The following PARD3B variants were observed in gnomAD, a reference collection of about 807,000 sequenced individuals.
PARD3B encodes par-3 family cell polarity regulator beta.
In PARD3B, 103 loss-of-function variants were observed where a neutral mutation model predicts 130.2. The ratio of observed to expected loss-of-function variants is 0.79; its 90% CI spans 0.67 to 0.93. The LOEUF (loss-of-function observed/expected upper bound fraction) is 0.93. Ranked by LOEUF, PARD3B falls within the 40% of genes least tolerant of loss-of-function variation. The pLI, the probability that PARD3B is intolerant of heterozygous loss-of-function variation, is 0.00. For synonymous variants in PARD3B, 583 were observed against 553.2 expected (o/e 1.05, Z -0.76); for missense variants, 1,609 against 1,499.2 (o/e 1.07, Z -1.21).
intron 20 of PARD3B, among the ~76,000 whole-genome samples, chr2:205,492,653 A>G (rs1559144224): frequency 6.6e-6 from 1 of 152,120 alleles, no homozygotes; most frequent in African/African-American, 2.4e-5. Context: ...TGCACCTTTG[A>G]AAAAAATAGA....
chr2:205,392,857 T>G (rs1227277864), intron 18 of PARD3B, among the ~76,000 whole-genome samples: 1 of 152,150 alleles, frequency 6.6e-6, no homozygotes, highest in African/African-American at 2.4e-5. Context: ...ATTAGAATAT[T>G]TTTCCTTCTT....
chr2:204,973,515 TCTC>T (rs1410094903), intron 3 of PARD3B, among the ~76,000 whole-genome samples: 2 of 151,874 alleles, frequency 1.3e-5, no homozygotes, highest in African/African-American at 4.8e-5. Flanking sequence ...ATTTTTTTTT[TCTC>T]TCTGAGTGTG....
intron 16 of PARD3B, among the ~76,000 whole-genome samples, chr2:205,260,762 T>C (rs939867781): frequency 6.6e-6 from 1 of 152,150 alleles, no homozygotes; most frequent in Non-Finnish European, 1.5e-5. Flanking sequence ...ATTGTTGTTT[T>C]TCCTATCTAG....
intron 6 of PARD3B, among the ~76,000 whole-genome samples, chr2:205,115,886 AT>A (rs1185146177): frequency 2.6e-5 from 4 of 152,006 alleles, no homozygotes; most frequent in African/African-American, 7.2e-5. Flanking sequence ...TTTACATTTA[AT>A]TTTTTTACTA....
Position 205,121,148 on chromosome 2 carries a change from G to A in PARD3B, c.807-443G>A, listed in dbSNP as rs1370998693. On this transcript the variant is annotated intron_variant, in intron 7 of 22. Transcript: ENST00000406610. The surrounding 1 kb of genome is among the most constrained non-coding windows in gnomAD (Gnocchi z 5.0). ...GTTAGAGAAGATCTGTACTTTAGAA[G>A]GATGTCCTAAAAGAAACCTAACTAA... 6.6e-6 allele frequency among the ~76,000 whole-genome samples: 1 copy of A among 152,186 alleles called. No individual in the cohort carries two copies. Among genetic ancestry groups the A allele is most frequent in the Non-Finnish European group, 1.5e-5 (1 of 68,026 alleles).
chr2:205,320,795 C>G (rs1206539686), intron 18 of PARD3B, among the ~76,000 whole-genome samples: 1 of 152,190 alleles, frequency 6.6e-6, no homozygotes, highest in African/African-American at 2.4e-5. Context: ...AAAAATGTGT[C>G]TCAACTGATT....
At chr2:204,942,438 G>T (rs559358221) in intron 2 of PARD3B, among the ~76,000 whole-genome samples, 2 of 152,210 alleles carry the variant, frequency 1.3e-5, no homozygotes, top group South Asian at 2.1e-4. Context: ...TCTGTGAACT[G>T]ATTTATTGAT....
At chr2:205,465,331 C>T (rs530897626) in intron 20 of PARD3B, among the ~76,000 whole-genome samples, 3 of 152,048 alleles carry the variant, frequency 2.0e-5, no homozygotes, top group South Asian at 2.1e-4. Flanking sequence ...AAGGTACAAA[C>T]GAGGATATTG....
intron 3 of PARD3B, among the ~76,000 whole-genome samples, chr2:204,999,262 A>G (rs907286644): frequency 6.6e-6 from 1 of 152,124 alleles, no homozygotes; most frequent in Non-Finnish European, 1.5e-5. Context: ...CCTCATTGCT[A>G]CAAAAGCACT....
chr2:204,655,054 A>G (rs1266373658), intron 1 of PARD3B, among the ~76,000 whole-genome samples: 5 of 152,160 alleles, frequency 3.3e-5, no homozygotes, highest in African/African-American at 1.2e-4. Flanking sequence ...TCTTGGTTGC[A>G]CACACTGGGT....
intron 2 of PARD3B, among the ~76,000 whole-genome samples, chr2:204,789,111 AAGT>A (rs2042113474): frequency 6.6e-6 from 1 of 152,090 alleles, no homozygotes. Flanking sequence ...GGCTGGAGTG[AAGT>A]GGTGCAATCA....
chr2:204,836,182 A>G (rs2044024752), intron 2 of PARD3B, among the ~76,000 whole-genome samples: 1 of 152,196 alleles, frequency 6.6e-6, no homozygotes. Flanking sequence ...AATTAAGTAT[A>G]TAGATACTAT....
intron 16 of PARD3B, among the ~76,000 whole-genome samples, chr2:205,248,959 TC>T: frequency 6.6e-6 from 1 of 150,990 alleles, no homozygotes; most frequent in Admixed American, 6.6e-5. Context: ...TGTGATATTG[TC>T]CCCTTTTCCA....
chr2:205,201,437 C>T (rs1304430236), intron 15 of PARD3B, among the ~76,000 whole-genome samples: 9 of 152,128 alleles, frequency 5.9e-5, no homozygotes, highest in South Asian at 2.1e-4. Context: ...AAGCAGAACT[C>T]ACCAAAATTA....
At chr2:204,840,444 T>G (rs114094341) in intron 2 of PARD3B, among the ~76,000 whole-genome samples, 2,251 of 152,284 alleles carry the variant, frequency 0.015, 30 homozygotes, top group South Asian at 0.024. Context: ...ACCCAGAATC[T>G]TTGTTTTACC....
intron 16 of PARD3B, among the ~76,000 whole-genome samples, chr2:205,273,487 CT>C (rs2040822003): frequency 6.6e-6 from 1 of 152,200 alleles, no homozygotes; most frequent in Non-Finnish European, 1.5e-5. Flanking sequence ...CCAGCTCTTC[CT>C]TCAGCAAAAG....
At chr2:204,855,763 T>C (rs1039423997) in intron 2 of PARD3B, among the ~76,000 whole-genome samples, 2 of 152,126 alleles carry the variant, frequency 1.3e-5, no homozygotes, top group African/African-American at 4.8e-5. Flanking sequence ...TTCTGTGAGA[T>C]TGGCTTCTTT....
chr2:205,503,533 T>A (rs915922799), intron 21 of PARD3B, among the ~76,000 whole-genome samples: 3 of 152,150 alleles, frequency 2.0e-5, no homozygotes, highest in Admixed American at 1.3e-4. Flanking sequence ...TTGGTCTATA[T>A]CTCTGTTTTG....
chr2:205,112,577 G>A lies in PARD3B; in HGVS notation c.594-914G>A, dbSNP rs548816821. On this transcript the variant is annotated intron_variant, in intron 5 of 22. Transcript: ENST00000406610. ...GAGACCGGCTTACAATTTCCATAAC[G>A]TGGATGTTTCCTTCAACTTTATTAT... Among the ~76,000 whole-genome samples, 15 of 152,110 alleles carry A rather than the reference G, an allele frequency of 9.9e-5. No homozygotes were observed. The South Asian group carries it at 1.9e-3, about 19-fold the overall frequency.
Sources: gnomAD v4.1 joint callset for allele counts (sites outside exome capture counted in the v4.1 genomes callset) on GRCh38, gnomAD v4.1.1 for gene constraint, Gnocchi (gnomAD v3.1) non-coding constraint, MANE v1.5 for transcripts, NCBI Gene and HGNC (gene_info 2026-07-23, HGNC 2026-07-21) for gene names.